The following LRP1B variants were observed in gnomAD, a reference collection of about 807,000 sequenced individuals.
LRP1B encodes LDL receptor related protein 1B.
LRP1B carries 217 observed loss-of-function variants against 556.6 expected under a neutral mutation model. The observed-to-expected ratio is 0.39, with a 90% CI of 0.35 to 0.44. The LOEUF is 0.44. Ranked by LOEUF, LRP1B falls within the 20% of genes least tolerant of loss-of-function variation. The pLI, the probability that LRP1B is intolerant of heterozygous loss-of-function variation, is 1.00. For synonymous variants in LRP1B, 2,047 were observed against 1,865.8 expected (o/e 1.10, Z -2.50); for missense variants, 5,053 against 5,620.8 (o/e 0.90, Z 3.23).
At chr2:141,860,031 C>T (rs1257703100) in intron 1 of LRP1B, among the ~76,000 whole-genome samples, 2 of 152,090 alleles carry the variant, frequency 1.3e-5, no homozygotes, top group Non-Finnish European at 2.9e-5. Flanking sequence ...ATGTTATTTT[C>T]ACACATCGTA....
intron 41 of LRP1B, among the ~76,000 whole-genome samples, chr2:140,678,480 CAG>C (rs1685747907): frequency 6.6e-6 from 1 of 152,164 alleles, no homozygotes; most frequent in African/African-American, 2.4e-5. Context: ...TTTAAAACCT[CAG>C]AACATATTAG....
chr2:141,123,263 T>TA (rs934761328), intron 7 of LRP1B, among the ~76,000 whole-genome samples: 3 of 146,078 alleles, frequency 2.1e-5, no homozygotes, highest in Admixed American at 6.9e-5. Flanking sequence ...AATAAATAAA[T>TA]AAAAAAAAGA....
At chr2:142,027,007 G>T (rs1335272636) in intron 1 of LRP1B, among the ~76,000 whole-genome samples, 2 of 152,012 alleles carry the variant, frequency 1.3e-5, no homozygotes, top group African/African-American at 4.8e-5. Flanking sequence ...ACCAGAATAT[G>T]ATCTATTCAC....
At chr2:140,973,441 C>G (rs889729401) in intron 18 of LRP1B, among the ~76,000 whole-genome samples, 1 of 151,918 alleles carries the variant, frequency 6.6e-6, no homozygotes, top group African/African-American at 2.4e-5. Flanking sequence ...TAGAGAGGAC[C>G]TCACTCATGT....
chr2:140,908,889 T>A (rs1694337333), intron 21 of LRP1B, among the ~76,000 whole-genome samples: 1 of 152,128 alleles, frequency 6.6e-6, no homozygotes, highest in South Asian at 2.1e-4. Flanking sequence ...AACCTCCGCC[T>A]CCCAGGTTCA....
At chr2:141,983,805 A>G (rs1442250957) in intron 1 of LRP1B, among the ~76,000 whole-genome samples, 2 of 152,216 alleles carry the variant, frequency 1.3e-5, no homozygotes, top group African/African-American at 4.8e-5. Context: ...TCACGCCTGC[A>G]ATCCCAGCAC....
At chr2:141,614,080 C>CAGGAAAAAAAAAA (rs1553543025) in intron 2 of LRP1B, among the ~76,000 whole-genome samples, 1 of 47,354 alleles carries the variant, frequency 2.1e-5, no homozygotes, top group Non-Finnish European at 3.6e-5. Flanking sequence ...AACTCAGCCT[C>CAGGAAAAAAAAAA]AAAAAAAAAA....
At chr2:141,140,647 G>A (rs1262240227) in intron 7 of LRP1B, among the ~76,000 whole-genome samples, 3 of 152,080 alleles carry the variant, frequency 2.0e-5, no homozygotes, top group African/African-American at 7.2e-5. Flanking sequence ...GCAAGCTAAG[G>A]ACAGACGTCT....
At chr2:141,917,688 C>G (rs1700075792) in intron 1 of LRP1B, among the ~76,000 whole-genome samples, 1 of 152,186 alleles carries the variant, frequency 6.6e-6, no homozygotes, top group Non-Finnish European at 1.5e-5. Context: ...TAACCACTAT[C>G]TACTGCTGCA....
chr2:141,951,194 T>C (rs574738479), intron 1 of LRP1B, among the ~76,000 whole-genome samples: 7 of 152,304 alleles, frequency 4.6e-5, no homozygotes, highest in African/African-American at 1.2e-4. Context: ...TAAATCACTA[T>C]TTTTTATTTC....
rs1415707641 is a variant in LRP1B at position 140,735,796 on chromosome 2, CT to C, written c.5759-18981del. On this transcript the variant is annotated intron_variant, in intron 35 of 90. Coordinates refer to ENST00000389484, the MANE Select transcript of LRP1B (RefSeq NM_018557.3). Reference sequence around the variant, plus strand: ...GCTATAACTATGGTTAAATCCCAGTCTAACCCAACTGGAGAATTACTGGGCC... The same window carrying C: ...GCTATAACTATGGTTAAATCCCAGTCAACCCAACTGGAGAATTACTGGGCC... Among the ~76,000 whole-genome samples, 3 of 152,232 alleles carry C rather than the reference CT, an allele frequency of 2.0e-5. No individual in the cohort carries two copies. The East Asian group carries it at 5.8e-4, about 29-fold the overall frequency.
intron 66 of LRP1B, among the ~76,000 whole-genome samples, chr2:140,408,835 A>G (rs576010225): frequency 2.6e-5 from 4 of 152,076 alleles, no homozygotes; most frequent in Admixed American, 2.6e-4. Flanking sequence ...TTTGAGAAAT[A>G]AGCAGGCATG....
intron 7 of LRP1B, among the ~76,000 whole-genome samples, chr2:141,184,359 C>G (rs1351205361): frequency 6.6e-6 from 1 of 151,886 alleles, no homozygotes; most frequent in Non-Finnish European, 1.5e-5. Context: ...CCCTTCTCCC[C>G]TGATGCAGGC....
In LRP1B at chr2:141,013,908, T is replaced by G. The variant is rs192693935; in HGVS notation, c.2191-163A>C. ...AAATGGATTTCACAATGTGAGCATA[T>G]TTTTTGTTTTAGGGCATGCTATTTG... On this transcript the variant is annotated intron_variant, in intron 13 of 90. Transcript: ENST00000389484. 1.9e-4 allele frequency among the ~76,000 whole-genome samples: 29 copies of G among 152,208 alleles called. No homozygotes were observed. The East Asian group carries it at 4.8e-3, about 25-fold the overall frequency.
At chr2:141,439,467 A>C (rs1258891682) in intron 3 of LRP1B, among the ~76,000 whole-genome samples, 1 of 151,578 alleles carries the variant, frequency 6.6e-6, no homozygotes, top group Non-Finnish European at 1.5e-5. Flanking sequence ...TAAAAATCTT[A>C]TTTATAATAA....
intron 3 of LRP1B, among the ~76,000 whole-genome samples, chr2:141,358,171 G>C (rs1477486552): frequency 1.3e-5 from 2 of 152,148 alleles, no homozygotes; most frequent in Non-Finnish European, 2.9e-5. Context: ...AAAATATGCA[G>C]AGTTAGAATA....
chr2:142,118,123 G>A (rs79054698), intron 1 of LRP1B, among the ~76,000 whole-genome samples: 6,562 of 151,974 alleles, frequency 0.043, 227 homozygotes, highest in Non-Finnish European at 0.058. Flanking sequence ...TTCCTACTTC[G>A]GGTTCCTTTA....
At chr2:141,829,920 T>G (rs1284712302) in intron 1 of LRP1B, among the ~76,000 whole-genome samples, 1 of 151,928 alleles carries the variant, frequency 6.6e-6, no homozygotes, top group African/African-American at 2.4e-5. Context: ...AATAAAGGCA[T>G]GAGGAAAAGT....
At chr2:140,314,452 TTATA>T (rs34836609) in intron 83 of LRP1B, among the ~76,000 whole-genome samples, 1 of 152,102 alleles carries the variant, frequency 6.6e-6, no homozygotes, top group Non-Finnish European at 1.5e-5. Flanking sequence ...CCAAAGCACA[TTATA>T]TGATACAGTG....
Sources: gnomAD v4.1 joint callset for allele counts (sites outside exome capture counted in the v4.1 genomes callset) on GRCh38, gnomAD v4.1.1 for gene constraint, MANE v1.5 for transcripts, NCBI Gene and HGNC (gene_info 2026-07-23, HGNC 2026-07-21) for gene names.